ADCY3: variants seen among roughly 807,000 people sequenced by gnomAD.
ADCY3 encodes adenylate cyclase type 3.
Under a neutral mutation model 119.4 loss-of-function variants are expected in ADCY3, and 70 were observed. The ratio of observed to expected loss-of-function variants is 0.59; its 90% CI spans 0.48 to 0.72. The LOEUF (loss-of-function observed/expected upper bound fraction) is 0.72. Ranked by LOEUF, ADCY3 falls within the 30% of genes least tolerant of loss-of-function variation. ADCY3 has a pLI of 0.00. For missense variants in ADCY3, 1,238 were observed against 1,541.6 expected (o/e 0.80, Z 3.30); for synonymous variants, 672 against 621.4 (o/e 1.08, Z -1.21).
chr2:24,905,959 C>G (rs1449502886), intron 2 of ADCY3, among the ~76,000 whole-genome samples: 1 of 152,046 alleles, frequency 6.6e-6, no homozygotes. Context: ...GGGTGAGGGT[C>G]GACCAAGACT....
chr2:24,862,009 C>T (rs1176432795), intron 3 of ADCY3, among the ~76,000 whole-genome samples: 2 of 152,240 alleles, frequency 1.3e-5, no homozygotes, highest in Non-Finnish European at 2.9e-5. Flanking sequence ...AAAGTACCAA[C>T]ACCACACAGA....
chr2:24,842,421 G>T lies in ADCY3; in HGVS notation c.826-37C>A. The stretch of plus-strand genomic sequence containing the variant: ...AGGAGAGGGTCAGAGGCAAAGGTAG[G>T]CCCTGCTAGAGGCAAGTTCAGATAC... On this transcript the variant is annotated intron_variant, in intron 3 of 21. Coordinates refer to ENST00000679454, the MANE Select transcript of ADCY3 (RefSeq NM_004036.5). The surrounding 1 kb of genome is among the most constrained non-coding windows in gnomAD (Gnocchi z 4.9). 1 of 1,613,268 alleles carries T rather than the reference G, an allele frequency of 6.2e-7. No homozygotes were observed.
At chr2:24,855,432 G>A (rs1180721932) in intron 3 of ADCY3, among the ~76,000 whole-genome samples, 5 of 152,212 alleles carry the variant, frequency 3.3e-5, no homozygotes, top group Admixed American at 2.6e-4. Flanking sequence ...AAGACTGCGG[G>A]AAGAGCCGAG....
At position 24,905,057 on chromosome 2, in the gene ADCY3, A is replaced by G. The variant is rs149290432; in HGVS notation, c.675+13256T>C. Among the ~76,000 whole-genome samples, 61 of 152,292 alleles carry G rather than the reference A, an allele frequency of 4.0e-4. 1 individual carries two copies. The East Asian group carries it at 0.012, about 29-fold the overall frequency. On this transcript the variant is annotated intron_variant, in intron 2 of 21. Coordinates refer to ENST00000679454, the MANE Select transcript of ADCY3 (RefSeq NM_004036.5). ...TCCAGCAAGCAAAGCCATGATCACT[A>G]TAGAGAGATGGGAAGGTACAGTTTG...
intron 11 of ADCY3, among the ~76,000 whole-genome samples, chr2:24,833,665 T>C (rs965596103): frequency 3.3e-5 from 5 of 152,258 alleles, no homozygotes; most frequent in South Asian, 2.1e-4. Flanking sequence ...ATCGCTGCCA[T>C]AGCCCCAGCC....
At chr2:24,873,908 T>C (rs182021365) in intron 2 of ADCY3, among the ~76,000 whole-genome samples, 1 of 152,318 alleles carries the variant, frequency 6.6e-6, no homozygotes, top group Admixed American at 6.5e-5. Flanking sequence ...GCGGAAGAAT[T>C]TCTCAATTTC....
intron 11 of ADCY3, among the ~76,000 whole-genome samples, chr2:24,832,724 A>C (rs987091579): frequency 1.3e-5 from 2 of 152,178 alleles, no homozygotes; most frequent in African/African-American, 4.8e-5. Context: ...CACAGCCTGC[A>C]TGCTGGTGAT....
At chr2:24,893,102 C>T (rs1677888403) in intron 2 of ADCY3, among the ~76,000 whole-genome samples, 1 of 148,966 alleles carries the variant, frequency 6.7e-6, no homozygotes, top group Non-Finnish European at 1.5e-5. Flanking sequence ...TGTGCAATCA[C>T]AGCTCACTGC....
At chr2:24,861,362 G>A (rs1043805583) in intron 3 of ADCY3, among the ~76,000 whole-genome samples, 10 of 151,820 alleles carry the variant, frequency 6.6e-5, no homozygotes, top group African/African-American at 2.2e-4. Context: ...GTAGATTAAC[G>A]ATTGTTTTTA....
At chr2:24,853,330 G>A (rs993480237) in intron 3 of ADCY3, among the ~76,000 whole-genome samples, 1 of 152,170 alleles carries the variant, frequency 6.6e-6, no homozygotes, top group African/African-American at 2.4e-5. Flanking sequence ...CGCAGGGGAA[G>A]GTGCAACAGG....
chr2:24,824,927 T>TC (rs1558403285), intron 16 of ADCY3, among the ~76,000 whole-genome samples: 1 of 152,002 alleles, frequency 6.6e-6, no homozygotes, highest in Non-Finnish European at 1.5e-5. Context: ...ATGGAGGAAC[T>TC]CCCCTTGGAA....
intron 16 of ADCY3, chr2:24,825,837 C>G: frequency 1.7e-6 from 1 of 582,936 alleles, no homozygotes; most frequent in Non-Finnish European, 3.1e-6. Context: ...TGGAGGGGGT[C>G]GGACGGAAGA....
chr2:24,823,442 A>G (rs571177568), intron 17 of ADCY3, 87 bp from the exon 18 acceptor site: 485 of 1,446,518 alleles, frequency 3.4e-4, no homozygotes, highest in Non-Finnish European at 4.2e-4. Context: ...TCCATGCATG[A>G]CATGTGCACT....
At chr2:24,821,143 AC>A (rs549700415) in intron 20 of ADCY3, 121 of 434,486 alleles carry the variant, frequency 2.8e-4, no homozygotes, top group South Asian at 9.4e-4. Context: ...CAGGAATGAT[AC>A]CCCCTCAGTA....
chr2:24,825,736 C>A (rs928578669), intron 16 of ADCY3: 9 of 366,264 alleles, frequency 2.5e-5, no homozygotes, highest in Non-Finnish European at 4.5e-5. Flanking sequence ...GGCCATGAGC[C>A]CCTGGCCTAG....
In ADCY3 at chr2:24,829,611, C is replaced by T. The variant is rs185604997; in HGVS notation, c.2172+1098G>A. On this transcript the variant is annotated intron_variant, in intron 13 of 21. Coordinates refer to ENST00000679454, the MANE Select transcript of ADCY3 (RefSeq NM_004036.5). ...AATTTTTTTGTATTTTTAGTAGAGA[C>T]GGGGTTTCAACTGTGTTAGCCAGGA... 3.8e-4 allele frequency among the ~76,000 whole-genome samples: 57 copies of T among 151,208 alleles called. No homozygotes were observed. The South Asian group carries it at 5.5e-3, about 14-fold the overall frequency.
At chr2:24,830,314 C>T (rs1257614502) in intron 13 of ADCY3, among the ~76,000 whole-genome samples, 2 of 152,222 alleles carry the variant, frequency 1.3e-5, no homozygotes, top group Admixed American at 1.3e-4. Flanking sequence ...GCTGGGATTA[C>T]AGGCGTGAGC....
Position 24,821,055 on chromosome 2 carries a change from C to G in ADCY3, c.3128-207G>C, listed in dbSNP as rs560603340. 1.1e-3 allele frequency: 689 copies of G among 651,398 alleles called. 3 individuals are homozygous for G. Among genetic ancestry groups the G allele is most frequent in the South Asian group, 1.7e-3 (80 of 47,752 alleles). 40.4% of individuals were successfully genotyped at this position (651,398 alleles called of 1,614,324 possible). ...GTTAGGTGTCAGCCGCCACCCCCCC[C>G]CCATATGCAGATTTACTCGGCATGG... On this transcript the variant is annotated intron_variant, in intron 20 of 21. Coordinates refer to ENST00000679454, the MANE Select transcript of ADCY3 (RefSeq NM_004036.5).
chr2:24,903,459 G>C (rs6726199), intron 2 of ADCY3, among the ~76,000 whole-genome samples: 79,918 of 151,782 alleles, frequency 0.53, 23,337 homozygotes, highest in African/African-American at 0.8. Flanking sequence ...GACCAGCCGG[G>C]TCTGCGCTTC....
Sources: gnomAD v4.1 joint callset for allele counts (sites outside exome capture counted in the v4.1 genomes callset) on GRCh38, gnomAD v4.1.1 for gene constraint, Gnocchi (gnomAD v3.1) non-coding constraint, MANE v1.5 for transcripts, NCBI Gene and HGNC (gene_info 2026-07-23, HGNC 2026-07-21) for gene names.